Variants in NBAS observed in about 807,000 individuals in gnomAD.
NBAS encodes NBAS subunit of NRZ tethering complex.
NBAS carries 219 observed loss-of-function variants against 302.5 expected under a neutral mutation model. The ratio of observed to expected loss-of-function variants is 0.72; its 90% CI spans 0.65 to 0.81. The LOEUF (loss-of-function observed/expected upper bound fraction) is 0.81. Among genes scored for constraint, NBAS ranks in the 30% least tolerant of loss-of-function variants. The probability of loss-of-function intolerance (pLI) is 0.00; values close to 1 mark genes in which losing one functional copy is unlikely to be tolerated. For missense variants in NBAS, 2,932 were observed against 2,841.6 expected, an observed-to-expected ratio of 1.03 and a Z score of -0.72; for synonymous variants, 1,118 against 1,021.6, an observed-to-expected ratio of 1.09 and a Z score of -1.80.
intron 6 of NBAS, among the ~76,000 whole-genome samples, chr2:15,544,512 A>G (rs1664010893): frequency 6.6e-6 from 1 of 152,200 alleles, no homozygotes; most frequent in Non-Finnish European, 1.5e-5. Flanking sequence ...ATTTGAAGAA[A>G]TCTACAAAAC....
chr2:15,336,941 A>C (rs1255027699), intron 35 of NBAS, among the ~76,000 whole-genome samples: 1 of 152,154 alleles, frequency 6.6e-6, no homozygotes, highest in Non-Finnish European at 1.5e-5. Flanking sequence ...CTACAACTAC[A>C]TTTAGAGGTA....
the NBAS span, among the ~76,000 whole-genome samples, chr2:15,130,400 A>T: frequency 2.6e-5 from 4 of 152,204 alleles, no homozygotes; most frequent in Admixed American, 6.5e-5. Context: ...TCTACACAGC[A>T]TATGGTACAG....
chr2:15,020,338 A>G, the NBAS span, among the ~76,000 whole-genome samples: 1 of 152,250 alleles, frequency 6.6e-6, no homozygotes, highest in Non-Finnish European at 1.5e-5. Context: ...GATATGAGGA[A>G]TAAATGGAAA....
chr2:15,518,610 C>T lies in NBAS; in HGVS notation c.747-7260G>A, dbSNP rs13421134. 5.8e-4 allele frequency among the ~76,000 whole-genome samples: 88 copies of T among 152,204 alleles called. 1 individual carries two copies. The highest frequency in any genetic ancestry group is 3.7e-3 in the Admixed American group (56 of 15,284). ...GGAATGAATTAGCAAAACTTTACTTCCCCTTAACAAAAACAAGAGAGAGAA... is the reference window on the plus strand; with the variant it reads ...GGAATGAATTAGCAAAACTTTACTTTCCCTTAACAAAAACAAGAGAGAGAA... On this transcript the variant is annotated intron_variant, in intron 9 of 51. Transcript: ENST00000281513.
At chr2:15,203,673 T>C (rs889876669) in intron 48 of NBAS, among the ~76,000 whole-genome samples, 9 of 151,736 alleles carry the variant, frequency 5.9e-5, no homozygotes, top group Non-Finnish European at 1.2e-4. Flanking sequence ...CAAAATACCA[T>C]AAGGAAAATG....
chr2:15,364,387 T>C (rs1674092420), intron 32 of NBAS, among the ~76,000 whole-genome samples: 1 of 151,938 alleles, frequency 6.6e-6, no homozygotes, highest in Admixed American at 6.6e-5. Flanking sequence ...CAAAATTAGC[T>C]GGGTGTGGTG....
At chr2:15,038,305 G>C in the NBAS span, among the ~76,000 whole-genome samples, 3 of 151,712 alleles carry the variant, frequency 2.0e-5, no homozygotes, top group East Asian at 5.8e-4. Context: ...TTCACCATGG[G>C]GTTTCACCAT....
chr2:15,326,536 CAATA>C (rs1209804259), intron 38 of NBAS, among the ~76,000 whole-genome samples: 2 of 151,656 alleles, frequency 1.3e-5, no homozygotes, highest in Non-Finnish European at 2.9e-5. Context: ...TGATGTAAGA[CAATA>C]AAAAGAAAAG....
intron 35 of NBAS, among the ~76,000 whole-genome samples, chr2:15,343,310 G>C (rs769950116): frequency 2.6e-5 from 4 of 152,090 alleles, no homozygotes; most frequent in Non-Finnish European, 5.9e-5. Flanking sequence ...GGAGTGAAGT[G>C]CCACAGGACT....
intron 41 of NBAS, among the ~76,000 whole-genome samples, chr2:15,287,675 C>A (rs1454674877): frequency 2.7e-5 from 4 of 150,762 alleles, no homozygotes; most frequent in African/African-American, 9.8e-5. Flanking sequence ...TAGGCAGTCC[C>A]GTGGAGGCAT....
chr2:14,793,189 G>A, the NBAS span, among the ~76,000 whole-genome samples: 9 of 151,948 alleles, frequency 5.9e-5, no homozygotes, highest in African/African-American at 1.9e-4. Context: ...CCTTGCTCTT[G>A]AACTTCTCAG....
chr2:14,910,953 G>A, the NBAS span, among the ~76,000 whole-genome samples: 3 of 152,232 alleles, frequency 2.0e-5, no homozygotes, highest in African/African-American at 7.2e-5. Flanking sequence ...AGCAGGGTGA[G>A]AGGAGTCTCA....
the NBAS span, among the ~76,000 whole-genome samples, chr2:15,037,430 C>CA: frequency 6.6e-5 from 10 of 151,874 alleles, no homozygotes; most frequent in South Asian, 2.1e-4. Context: ...ACCCGCAAGG[C>CA]GGGGTACTAC....
At chr2:15,187,019 T>C in intron 49 of NBAS, 139 bp from the exon 50 acceptor site, 8 of 1,259,530 alleles carry the variant, frequency 6.4e-6, no homozygotes, top group South Asian at 1.3e-5. Flanking sequence ...GTCAACCTTG[T>C]AGAAAAGATA....
intron 9 of NBAS, among the ~76,000 whole-genome samples, chr2:15,529,157 G>GTATA (rs113170415): frequency 9.2e-5 from 14 of 151,712 alleles, no homozygotes; most frequent in African/African-American, 3.4e-4. Flanking sequence ...TATTCGAAAA[G>GTATA]TATATATATA....
rs776330849 is a variant in NBAS, at chr2:15,190,352, C to A, written c.6484G>T (p.Glu2162Ter). Reference sequence around the variant, plus strand: ...TCGTGGTGACTAGATTCCAGGAGTTCCATGAATAGACAGTAGCGGTTCTCT... The same window carrying A: ...TCGTGGTGACTAGATTCCAGGAGTTACATGAATAGACAGTAGCGGTTCTCT... Reference protein sequence around the residue: ...NEENRYCLFMELLESSHHEAE... With the variant: ...NEENRYCLFM Residue 2162 changes from glutamate to a stop codon, truncating the protein, a stop_gained, in exon 49 of 52, where the codon GAA becomes TAA. Coordinates refer to ENST00000281513, the MANE Select transcript of NBAS (RefSeq NM_015909.4). LOFTEE classifies it high-confidence loss of function. 6.2e-6 allele frequency: 10 copies of A among 1,613,930 alleles called. No homozygotes were observed. The highest frequency in any genetic ancestry group is 6.8e-6 in the Non-Finnish European group (8 of 1,179,902).
the NBAS span, among the ~76,000 whole-genome samples, chr2:14,943,327 T>C: frequency 6.6e-6 from 1 of 152,230 alleles, no homozygotes; most frequent in African/African-American, 2.4e-5. Context: ...AATAATTTTA[T>C]CTTACCAATT....
chr2:15,136,214 C>T, the NBAS span, among the ~76,000 whole-genome samples: 2 of 152,304 alleles, frequency 1.3e-5, no homozygotes, highest in Non-Finnish European at 1.5e-5. Context: ...TCAGGCATAT[C>T]CTCTTATTGG....
chr2:15,098,212 ATTATATT>A, the NBAS span, among the ~76,000 whole-genome samples: 8 of 22,470 alleles, frequency 3.6e-4, 3 homozygotes, highest in Non-Finnish European at 5.5e-4. Flanking sequence ...TATATAATAT[ATTATATT>A]GTATATATTA....
Sources: gnomAD v4.1 joint callset for allele counts (sites outside exome capture counted in the v4.1 genomes callset) on GRCh38, gnomAD v4.1.1 for gene constraint, MANE v1.5 for transcripts, NCBI Gene and HGNC (gene_info 2026-07-23, HGNC 2026-07-21) for gene names.